Variants in CFAP300 observed in about 807,000 individuals in gnomAD.
The protein encoded by CFAP300 is cilia- and flagella-associated protein 300.
A neutral mutation model predicts 33.0 loss-of-function variants in CFAP300; 32 were observed. That is an observed-to-expected ratio of 0.97 (90% confidence interval 0.73 to 1.30). The LOEUF (loss-of-function observed/expected upper bound fraction) is 1.30, where lower values mean the gene tolerates loss of function less well. Ranked by LOEUF, CFAP300 falls within the 50% of genes most tolerant of loss-of-function variation. The pLI is 0.00. For synonymous variants in CFAP300, 102 were observed against 106.8 expected (o/e 0.95, Z 0.28); for missense variants, 356 against 318.1 (o/e 1.12, Z -0.90).
At chr11:102,055,671 CTTTT>C (rs1264720064) in intron 2 of CFAP300, among the ~76,000 whole-genome samples, 1 of 112,596 alleles carries the variant, frequency 8.9e-6, no homozygotes. Context: ...CTAAACTACC[CTTTT>C]TTTTTTTTTT....
chr11:102,074,603 G>A (rs537407633), intron 4 of CFAP300, among the ~76,000 whole-genome samples: 4 of 151,868 alleles, frequency 2.6e-5, no homozygotes, highest in Non-Finnish European at 4.4e-5. Context: ...TCCCTCCCAT[G>A]TAAAGTTGTT....
In CFAP300 at chr11:102,083,201, G is replaced by T; in HGVS notation, c.*2G>T. 2 of 1,478,984 alleles carry T rather than the reference G, an allele frequency of 1.4e-6. No homozygotes were observed. The highest frequency in any genetic ancestry group is 1.8e-6 in the Non-Finnish European group (2 of 1,106,094). The allele number at this position is 1,478,984 out of a possible 1,614,324, so 91.6% of individuals were successfully genotyped here. A position where few individuals can be genotyped will look rare whatever the true frequency, so the allele number is the denominator to read the frequency against. On this transcript the variant is annotated 3_prime_UTR_variant, in exon 7 of 7. Transcript: ENST00000434758. ...TATGGTGTGGGAGACATGTCTTAATGTTCTTTCAGATTATGTACCTCTACT... is the reference window on the plus strand; with the variant it reads ...TATGGTGTGGGAGACATGTCTTAATTTTCTTTCAGATTATGTACCTCTACT...
chr11:102,077,304 T>G (rs1376282573), intron 5 of CFAP300, among the ~76,000 whole-genome samples: 1 of 152,224 alleles, frequency 6.6e-6, no homozygotes, highest in Non-Finnish European at 1.5e-5. Flanking sequence ...CTCCAGATTC[T>G]CACCTGTGAT....
chr11:102,048,587 T>C (rs1449818921), intron 2 of CFAP300, among the ~76,000 whole-genome samples: 1 of 152,162 alleles, frequency 6.6e-6, no homozygotes, highest in Non-Finnish European at 1.5e-5. Context: ...CAAATTACTT[T>C]CGATTTTTTT....
intron 2 of CFAP300, among the ~76,000 whole-genome samples, chr11:102,049,494 C>G (rs112724210): frequency 8.1e-4 from 123 of 152,210 alleles, no homozygotes; most frequent in African/African-American, 2.8e-3. Flanking sequence ...CAACCCATAA[C>G]AGAGAGTAAA....
chr11:102,050,121 C>T (rs1451010723), intron 2 of CFAP300, among the ~76,000 whole-genome samples: 1 of 151,888 alleles, frequency 6.6e-6, no homozygotes, highest in East Asian at 1.9e-4. Context: ...CAAAGTAAGA[C>T]CCTGTCTCAA....
At chr11:102,075,763 G>T (rs770887751) in intron 4 of CFAP300, 110 bp from the exon 5 acceptor site, 2 of 785,280 alleles carry the variant, frequency 2.5e-6, no homozygotes, top group Non-Finnish European at 4.0e-6. Flanking sequence ...ACTCAAGATT[G>T]GTTCTTAAAA....
At chr11:102,082,304 A>G in intron 6 of CFAP300, among the ~76,000 whole-genome samples, 1 of 151,924 alleles carries the variant, frequency 6.6e-6, no homozygotes, top group Non-Finnish European at 1.5e-5. Context: ...TGAACCCAGG[A>G]AGCAAAAGTT....
At position 102,075,859 on chromosome 11, in the gene CFAP300, T is replaced by G. The variant is rs778858126; in HGVS notation, c.436-14T>G. 6 of 1,567,200 alleles carry G rather than the reference T, an allele frequency of 3.8e-6. No homozygotes were observed. Among genetic ancestry groups the G allele is most frequent in the Non-Finnish European group, 4.3e-6 (5 of 1,150,416 alleles). ...TTGAGTTATGTTACATTAAGATGAA[T>G]TTTATCGTCTTAGGTTTTGCTAGTG... On this transcript the variant is annotated splice_polypyrimidine_tract_variant and intron_variant, in intron 4 of 6. Coordinates refer to ENST00000434758, the MANE Select transcript of CFAP300 (RefSeq NM_032930.3).
chr11:102,051,572 T>C (rs1425343811), intron 2 of CFAP300, among the ~76,000 whole-genome samples: 1 of 152,234 alleles, frequency 6.6e-6, no homozygotes, highest in Non-Finnish European at 1.5e-5. Flanking sequence ...GTCTGCCAGA[T>C]AGATAATATA....
intron 5 of CFAP300, among the ~76,000 whole-genome samples, chr11:102,079,705 A>G (rs1591067226): frequency 6.6e-6 from 1 of 152,222 alleles, no homozygotes; most frequent in Non-Finnish European, 1.5e-5. Flanking sequence ...AGAAGAGGGT[A>G]TCTTTCTTTA....
rs1942517203 is a variant in CFAP300 at position 102,084,356 on chromosome 11, T to A, written c.*1157T>A. The A allele has an allele frequency of 6.6e-6, 1 of 152,200 alleles. No homozygotes were observed. Among genetic ancestry groups the A allele is most frequent in the Non-Finnish European group, 1.5e-5 (1 of 68,034 alleles). The allele number at this position is 152,200 out of a possible 1,614,324, so 9.4% of individuals were successfully genotyped here. ...CTGTGTTGTGGGATAAAGACGATAATCTTGGACTTGAACCTGGATTTGAAT... is the reference window on the plus strand; with the variant it reads ...CTGTGTTGTGGGATAAAGACGATAAACTTGGACTTGAACCTGGATTTGAAT... On this transcript the variant is annotated 3_prime_UTR_variant, in exon 7 of 7. Transcript: ENST00000434758.
At position 102,066,495 on chromosome 11, in the gene CFAP300, GA is replaced by G; in HGVS notation, c.286del (p.Ile96LeufsTer4). The G allele has an allele frequency of 3.8e-6, 6 of 1,585,284 alleles. No homozygotes were observed. The highest frequency in any genetic ancestry group is 1.8e-5 in the Admixed American group (1 of 55,326). ...GQWIILGTEV[K>X]KIEAINVPCT... ...AATATCTTTTTTCAGGAACTGAAGT[GA>G]AAAAAATTGAAGCTATAAATGTTCC... On this transcript the variant is annotated frameshift_variant, in exon 4 of 7. Transcript: ENST00000434758. LOFTEE classifies it high-confidence loss of function.
At chr11:102,082,775 G>T (rs1942493044) in intron 6 of CFAP300, among the ~76,000 whole-genome samples, 1 of 152,114 alleles carries the variant, frequency 6.6e-6, no homozygotes, top group South Asian at 2.1e-4. Context: ...GAGACAGGTG[G>T]ATCACAAAGT....
intron 2 of CFAP300, 115 bp downstream of exon 2, chr11:102,048,011 T>C (rs1941910685): frequency 1.1e-6 from 1 of 914,418 alleles, no homozygotes; most frequent in East Asian, 2.9e-5. Context: ...TTTCTTGGCG[T>C]TTGGGAGTAA....
chr11:102,053,551 AAAAC>A (rs140040339), intron 2 of CFAP300, among the ~76,000 whole-genome samples: 71,456 of 149,816 alleles, frequency 0.48, 17,486 homozygotes, highest in East Asian at 0.67. Context: ...AACTCCATCA[AAAAC>A]AAACAAACAA....
intron 2 of CFAP300, among the ~76,000 whole-genome samples, chr11:102,052,776 C>A (rs1419726014): frequency 6.6e-6 from 1 of 152,196 alleles, no homozygotes; most frequent in Non-Finnish European, 1.5e-5. Context: ...CACTTGGTAT[C>A]TCCTTGACTG....
At chr11:102,077,016 G>C (rs1020110090) in intron 5 of CFAP300, among the ~76,000 whole-genome samples, 1 of 152,064 alleles carries the variant, frequency 6.6e-6, no homozygotes, top group Admixed American at 6.6e-5. Flanking sequence ...CTAATTATTT[G>C]AAGTTCATGT....
At chr11:102,054,983 CTT>C (rs567430596) in intron 2 of CFAP300, among the ~76,000 whole-genome samples, 13 of 144,048 alleles carry the variant, frequency 9.0e-5, no homozygotes, top group Non-Finnish European at 6.1e-5. Flanking sequence ...GTTTGATATT[CTT>C]TTTTTTTTTT....
Sources: allele counts gnomAD v4.1 joint callset (sites outside exome capture counted in the v4.1 genomes callset), GRCh38; gene constraint gnomAD v4.1.1; transcripts MANE v1.5; gene names NCBI Gene and HGNC (gene_info 2026-07-23, HGNC 2026-07-21).